The following SLAIN1 variants were observed in gnomAD, a reference collection of about 807,000 sequenced individuals.
The protein encoded by SLAIN1 is SLAIN motif-containing protein 1.
Under a neutral mutation model 55.4 loss-of-function variants are expected in SLAIN1, and 17 were observed. The ratio of observed to expected loss-of-function variants is 0.31; its 90% confidence interval spans 0.21 to 0.46. The LOEUF (loss-of-function observed/expected upper bound fraction) is 0.46. Ranked by LOEUF, SLAIN1 falls within the 20% of genes least tolerant of loss-of-function variation. The pLI, the probability that SLAIN1 is intolerant of heterozygous loss-of-function variation, is 1.00. For missense variants in SLAIN1, 682 were observed against 785.1 expected (o/e 0.87, Z 1.57); for synonymous variants, 348 against 337.4 (o/e 1.03, Z -0.35).
intron 2 of SLAIN1, among the ~76,000 whole-genome samples, chr13:77,735,176 C>T (rs943951962): frequency 6.6e-6 from 1 of 152,080 alleles, no homozygotes; most frequent in Non-Finnish European, 1.5e-5. Flanking sequence ...TTTATTTCTT[C>T]CTACAAACAT....
At chr13:77,754,038 G>C (rs994197453) in intron 5 of SLAIN1, among the ~76,000 whole-genome samples, 1 of 152,104 alleles carries the variant, frequency 6.6e-6, no homozygotes, top group African/African-American at 2.4e-5. Context: ...TCCTACTCAT[G>C]CTGTCTATAT....
chr13:77,756,032 G>A (rs747669023), intron 5 of SLAIN1, among the ~76,000 whole-genome samples: 10 of 152,188 alleles, frequency 6.6e-5, no homozygotes, highest in Non-Finnish European at 1.3e-4. Context: ...GAACACAGTT[G>A]TAGTCAAAGA....
intron 2 of SLAIN1, among the ~76,000 whole-genome samples, chr13:77,729,883 G>A (rs1305004834): frequency 6.6e-6 from 1 of 151,824 alleles, no homozygotes; most frequent in African/African-American, 2.4e-5. Flanking sequence ...AGAGTCAGTG[G>A]GAGTTAAGCC....
At chr13:77,721,154 C>T (rs569199890) in intron 2 of SLAIN1, among the ~76,000 whole-genome samples, 223 of 152,266 alleles carry the variant, frequency 1.5e-3, no homozygotes, top group African/African-American at 5.1e-3. Context: ...CGGTTTCCCC[C>T]ATGCTGTTCT....
Position 77,760,881 on chromosome 13 carries a change from G to A in SLAIN1, c.1468G>A (p.Val490Met), listed in dbSNP as rs769781785. The change falls in exon 6 of 7, where the codon GTG becomes ATG. Residue 490 changes from valine (V) to methionine (M), a missense_variant. Around this residue, in one of 3 missense-constraint regions of SLAIN1, gnomAD observed 244 missense variants for 295.2 expected, o/e 0.83. Transcript: ENST00000418532. ...GGTCCACAGCGTGGGGCATTTCCCA[G>A]TGTCTATCCGACAGCCTCTTAAAGC... ...HRVHSVGHFP[V>M]SIRQPLKATA... 26 of 1,613,980 alleles carry A rather than the reference G, an allele frequency of 1.6e-5. 1 individual carries two copies. The South Asian group carries it at 2.4e-4, about 15-fold the overall frequency.
rs2090988612 is a variant in SLAIN1, at chr13:77,697,822, C to G, written c.-92C>G. ...GCGTGGTCGGCCCCCCAGGCCGGGG[C>G]GACAGGGAAGGAGCCGTAGCCTCCC... On this transcript the variant is annotated 5_prime_UTR_variant, in exon 1 of 7. Transcript: ENST00000418532. The G allele has an allele frequency of 8.5e-7, 1 of 1,177,126 alleles. No individual in the cohort carries two copies. Among genetic ancestry groups the G allele is most frequent in the East Asian group, 4.0e-5 (1 of 25,050 alleles). 72.9% of individuals were successfully genotyped at this position (1,177,126 alleles called of 1,614,324 possible). A position where few individuals can be genotyped will look rare whatever the true frequency, so the allele number is the denominator to read the frequency against.
chr13:77,720,656 G>C (rs1282504179), intron 2 of SLAIN1, among the ~76,000 whole-genome samples: 2 of 152,128 alleles, frequency 1.3e-5, no homozygotes, highest in South Asian at 2.1e-4. Flanking sequence ...CATCTTTAGA[G>C]GTGAGAAATA....
chr13:77,698,631 C>T lies in SLAIN1; in HGVS notation c.626+92C>T, dbSNP rs1338835695. On this transcript the variant is annotated intron_variant, in intron 1 of 6. Transcript: ENST00000418532. The surrounding 1 kb of genome is among the most constrained non-coding windows in gnomAD (Gnocchi z 4.1). ...GGCGGGGGGCGGACGGGGGTCCCCT[C>T]GCGGCAGCCGGGGTGACTCCCCGCG... 3.8e-6 allele frequency: 5 copies of T among 1,313,934 alleles called. No individual in the cohort carries two copies. The highest frequency in any genetic ancestry group is 1.5e-5 in the African/African-American group (1 of 65,140). The allele number at this position is 1,313,934 out of a possible 1,614,324, so 81.4% of individuals were successfully genotyped here. A position where few individuals can be genotyped will look rare whatever the true frequency, so the allele number is the denominator to read the frequency against.
chr13:77,719,290 G>T (rs2091238787), intron 1 of SLAIN1, among the ~76,000 whole-genome samples: 1 of 150,556 alleles, frequency 6.6e-6, no homozygotes, highest in South Asian at 2.1e-4. Flanking sequence ...GATCTCTGAT[G>T]CTGAAACACA....
chr13:77,723,742 C>G (rs1405748704), intron 2 of SLAIN1, among the ~76,000 whole-genome samples: 1 of 152,016 alleles, frequency 6.6e-6, no homozygotes, highest in Non-Finnish European at 1.5e-5. Context: ...TTTGTGTGTG[C>G]TATAAACTTT....
At chr13:77,743,301 G>T (rs1383887010) in intron 2 of SLAIN1, 2 of 610,584 alleles carry the variant, frequency 3.3e-6, no homozygotes, top group Non-Finnish European at 4.8e-6. Flanking sequence ...CTTACTTTGG[G>T]TACAAAAGGC....
At position 77,697,742 on chromosome 13, in the gene SLAIN1, G is replaced by A. The variant is rs966165643; in HGVS notation, c.-172G>A. The A allele has an allele frequency of 2.1e-4, 96 of 458,816 alleles. No homozygotes were observed. Among genetic ancestry groups the A allele is most frequent in the Non-Finnish European group, 2.9e-4 (91 of 314,074 alleles). 28.4% of individuals were successfully genotyped at this position (458,816 alleles called of 1,614,324 possible). On this transcript the variant is annotated 5_prime_UTR_variant, in exon 1 of 7. Transcript: ENST00000418532. ...AGATCAGCTCGGTGGTGGCTGCCGC[G>A]GCCGGAGGCGAGGGCCCGGTGCTGA...
intron 2 of SLAIN1, among the ~76,000 whole-genome samples, chr13:77,743,786 G>T (rs1417741071): frequency 6.6e-6 from 1 of 151,906 alleles, no homozygotes; most frequent in Non-Finnish European, 1.5e-5. Context: ...TTTTAGATGT[G>T]ATATTCTTAC....
At chr13:77,748,312 CA>C (rs1266261724) in intron 4 of SLAIN1, among the ~76,000 whole-genome samples, 2 of 145,854 alleles carry the variant, frequency 1.4e-5, no homozygotes, top group East Asian at 4.2e-4. Flanking sequence ...GCTCATAGAT[CA>C]GAAAGACAAT....
chr13:77,741,319 G>A lies in SLAIN1; in HGVS notation c.767-2964G>A, dbSNP rs1873419675. The A allele has an allele frequency of 9.1e-6, 9 of 987,296 alleles. No individual in the cohort carries two copies. In the South Asian group the frequency reaches 4.2e-4, roughly 46 times the overall value. 61.2% of individuals were successfully genotyped at this position (987,296 alleles called of 1,614,324 possible). On this transcript the variant is annotated intron_variant, in intron 2 of 6. Transcript: ENST00000418532. ...ATGTGAGAACAGCTACCTAGTGTGT[G>A]TTGCATTATTAACCCCTAGTTTGTA...
intron 5 of SLAIN1, among the ~76,000 whole-genome samples, chr13:77,759,044 TATTG>T (rs1424019132): frequency 6.6e-6 from 1 of 152,214 alleles, no homozygotes; most frequent in East Asian, 1.9e-4. Context: ...ATTTTCACAG[TATTG>T]ATTCTTCCAT....
Position 77,761,063 on chromosome 13 carries a change from A to T in SLAIN1, c.1650A>T (p.Ile550=), listed in dbSNP as rs1179672053. ...RSALPRPSLA[I]NGSNLPRSKI... Reference sequence around the variant, plus strand: ...CACTCCCAAGACCTTCGTTGGCAATAAATGGGAGTAACCTGCCTCGAAGCA... The same window carrying T: ...CACTCCCAAGACCTTCGTTGGCAATTAATGGGAGTAACCTGCCTCGAAGCA... Residue 550 remains isoleucine, a synonymous_variant, in exon 6 of 7, where the codon ATA becomes ATT. Transcript: ENST00000418532. 6.2e-7 allele frequency: 1 copy of T among 1,614,190 alleles called. No homozygotes were observed. The highest frequency in any genetic ancestry group is 8.5e-7 in the Non-Finnish European group (1 of 1,180,004).
At chr13:77,740,306 G>C (rs1304605710) in intron 2 of SLAIN1, among the ~76,000 whole-genome samples, 8 of 152,034 alleles carry the variant, frequency 5.3e-5, no homozygotes, top group Non-Finnish European at 1.5e-5. Context: ...TCTGGTGAGA[G>C]GTGGTGAGTG....
chr13:77,746,635 G>A lies in SLAIN1; in HGVS notation c.1038G>A (p.Glu346=), dbSNP rs751717111. Residue 346 remains glutamate (E), a synonymous_variant, in exon 4 of 7, where the codon GAG becomes GAA. Transcript: ENST00000418532. ...SDQEYDQYSL[E]DEEEFDHLPP... is the part of the protein sequence containing the mutation. ...AAGAATATGACCAATACAGTCTGGA[G>A]GATGAAGAGGAATTTGATCATTTGC... The A allele has an allele frequency of 4.3e-6, 7 of 1,613,628 alleles. No homozygotes were observed. Among genetic ancestry groups the A allele is most frequent in the African/African-American group, 1.3e-5 (1 of 74,874 alleles).
Sources: gnomAD v4.1 joint callset for allele counts (sites outside exome capture counted in the v4.1 genomes callset) on GRCh38, gnomAD v4.1.1 for gene constraint, gnomAD v4.1.1 regional missense constraint, Gnocchi (gnomAD v3.1) non-coding constraint, MANE v1.5 for transcripts, NCBI Gene and HGNC (gene_info 2026-07-23, HGNC 2026-07-21) for gene names.